BMPER: variants seen among roughly 807,000 people sequenced by gnomAD.
The protein encoded by BMPER is BMP-binding endothelial regulator protein.
In BMPER, 45 loss-of-function variants were observed where a neutral mutation model predicts 87.3. The ratio of observed to expected loss-of-function variants is 0.52; its 90% CI spans 0.41 to 0.66. The LOEUF (loss-of-function observed/expected upper bound fraction) is 0.66. Among genes scored for constraint, BMPER ranks in the 30% least tolerant of loss-of-function variants. The probability of loss-of-function intolerance (pLI) is 0.00; values close to 1 mark genes in which losing one functional copy is unlikely to be tolerated. For synonymous variants in BMPER, 326 were observed against 316.2 expected, an observed-to-expected ratio of 1.03 and a Z score of -0.33; for missense variants, 784 against 867.5, an observed-to-expected ratio of 0.90 and a Z score of 1.21.
chr7:34,002,619 A>G (rs909412333), intron 6 of BMPER, among the ~76,000 whole-genome samples: 3 of 151,832 alleles, frequency 2.0e-5, no homozygotes, highest in Non-Finnish European at 4.4e-5. Flanking sequence ...TTGAAAGTAG[A>G]GTATTGAATT....
Position 34,098,343 on chromosome 7 carries a change from G to A in BMPER, c.1745+12251G>A, listed in dbSNP as rs141230684. 6.0e-3 allele frequency among the ~76,000 whole-genome samples: 919 copies of A among 152,222 alleles called. 5 individuals are homozygous for A. Among genetic ancestry groups the A allele is most frequent in the Non-Finnish European group, 8.5e-3 (579 of 68,016 alleles). ...AGGAGGGAGAGGCCCAGAGCCAGGA[G>A]TACAGGCCCATGCATCCAGAACAGC... On this transcript the variant is annotated intron_variant, in intron 13 of 14. Coordinates refer to ENST00000649409, the MANE Select transcript of BMPER (RefSeq NM_001365308.1).
chr7:33,916,460 A>G (rs1585632159), intron 2 of BMPER, among the ~76,000 whole-genome samples: 1 of 152,186 alleles, frequency 6.6e-6, no homozygotes, highest in African/African-American at 2.4e-5. Flanking sequence ...AAAGAGTGTG[A>G]TGTGGCCAGC....
intron 6 of BMPER, among the ~76,000 whole-genome samples, chr7:33,975,341 T>G (rs1192882556): frequency 6.6e-6 from 1 of 152,152 alleles, no homozygotes; most frequent in Non-Finnish European, 1.5e-5. Flanking sequence ...GTCTGAGGGC[T>G]GATCAGTTAC....
chr7:34,146,621 T>C (rs2127995610), intron 14 of BMPER, among the ~76,000 whole-genome samples: 1 of 152,294 alleles, frequency 6.6e-6, no homozygotes, highest in Non-Finnish European at 1.5e-5. Flanking sequence ...CTTTATATGG[T>C]AACATTATAT....
chr7:34,072,570 C>G (rs1317060073), intron 11 of BMPER, among the ~76,000 whole-genome samples: 1 of 152,112 alleles, frequency 6.6e-6, no homozygotes, highest in Non-Finnish European at 1.5e-5. Context: ...ACCTGCCTTC[C>G]TCTTTTGCTA....
intron 14 of BMPER, among the ~76,000 whole-genome samples, chr7:34,150,829 G>A (rs981763731): frequency 6.6e-6 from 1 of 152,150 alleles, no homozygotes; most frequent in African/African-American, 2.4e-5. Context: ...CCCTCTAGTA[G>A]CCTATATTTG....
intron 13 of BMPER, among the ~76,000 whole-genome samples, chr7:34,139,278 G>T (rs1790802293): frequency 6.6e-6 from 1 of 152,218 alleles, no homozygotes; most frequent in Non-Finnish European, 1.5e-5. Context: ...GCCGAAGTCT[G>T]TATCAAGAGG....
At chr7:34,010,192 G>T (rs1182518781) in intron 6 of BMPER, among the ~76,000 whole-genome samples, 1 of 151,660 alleles carries the variant, frequency 6.6e-6, no homozygotes, top group Non-Finnish European at 1.5e-5. Context: ...ATTCCTTTTT[G>T]AAATTTAGCT....
At chr7:33,958,326 A>G (rs530383930) in intron 3 of BMPER, among the ~76,000 whole-genome samples, 2 of 152,322 alleles carry the variant, frequency 1.3e-5, no homozygotes, top group Non-Finnish European at 1.5e-5. Context: ...ATTCACCCTT[A>G]GATGTTTGAA....
chr7:33,958,918 T>C (rs562554813), intron 3 of BMPER, among the ~76,000 whole-genome samples: 1 of 152,202 alleles, frequency 6.6e-6, no homozygotes, highest in African/African-American at 2.4e-5. Context: ...AATTGAATGG[T>C]GGGGGCAGTT....
At chr7:33,939,641 T>C (rs1471250497) in intron 3 of BMPER, among the ~76,000 whole-genome samples, 1 of 152,192 alleles carries the variant, frequency 6.6e-6, no homozygotes, top group Admixed American at 6.5e-5. Context: ...TCTCGTGCTG[T>C]TCACAAGATC....
chr7:33,919,704 G>C (rs1784168871), intron 2 of BMPER, among the ~76,000 whole-genome samples: 1 of 152,210 alleles, frequency 6.6e-6, no homozygotes, highest in Non-Finnish European at 1.5e-5. Flanking sequence ...CTGAGGCACT[G>C]CAAGACAGGA....
In BMPER at chr7:33,906,917, T is replaced by C; in HGVS notation, c.219+14T>C. 6.3e-7 allele frequency: 1 copy of C among 1,598,518 alleles called. No individual in the cohort carries two copies. The highest frequency in any genetic ancestry group is 2.2e-5 in the East Asian group (1 of 44,772). On this transcript the variant is annotated intron_variant, in intron 2 of 14. Transcript: ENST00000649409. Reference sequence around the variant, plus strand: ...TGTGTCTGCTTGGTAAGTGTGGAGATCAGGTAATATGAACTCAACTGCTCT... The same window carrying C: ...TGTGTCTGCTTGGTAAGTGTGGAGACCAGGTAATATGAACTCAACTGCTCT...
intron 3 of BMPER, among the ~76,000 whole-genome samples, chr7:33,942,764 G>A (rs1208459450): frequency 1.3e-5 from 2 of 152,144 alleles, no homozygotes; most frequent in Non-Finnish European, 2.9e-5. Context: ...GTAGTGGGAG[G>A]CCATGTTTTC....
At chr7:34,029,249 A>G (rs765509102) in intron 6 of BMPER, among the ~76,000 whole-genome samples, 3 of 152,130 alleles carry the variant, frequency 2.0e-5, no homozygotes, top group Non-Finnish European at 4.4e-5. Context: ...ATCAAAAGTG[A>G]GAATGAAAAT....
intron 13 of BMPER, among the ~76,000 whole-genome samples, chr7:34,105,610 T>C (rs1237682751): frequency 6.6e-6 from 1 of 152,212 alleles, no homozygotes; most frequent in Non-Finnish European, 1.5e-5. Context: ...GGTGGATTCC[T>C]TAGTGAGGAT....
chr7:33,991,521 A>G (rs1192729066), intron 6 of BMPER, among the ~76,000 whole-genome samples: 1 of 151,816 alleles, frequency 6.6e-6, no homozygotes, highest in African/African-American at 2.4e-5. Context: ...TTCTTTATTA[A>G]TCTTGCTAGC....
At chr7:33,919,566 T>TG (rs1397190009) in intron 2 of BMPER, among the ~76,000 whole-genome samples, 1 of 152,040 alleles carries the variant, frequency 6.6e-6, no homozygotes, top group African/African-American at 2.4e-5. Context: ...TCAGGTTAGG[T>TG]GGGGAGCACA....
rs560058928 is a variant in BMPER, at chr7:34,078,932, C to G, written c.1154C>G (p.Thr385Arg). The change falls in exon 12 of 15, where the codon ACG (threonine) becomes AGG (arginine). Residue 385 changes from threonine (T) to arginine (R), a missense_variant. By Grantham distance (71) the Thr-to-Arg change is moderately conservative (BLOSUM62 -1). Transcript: ENST00000649409. ...FDGRTFNFQG[T>R]CQYVLTKDCS... is the part of the protein sequence containing the mutation. ...GGTCGGACATTTAACTTTCAGGGGA[C>G]GTGTCAGTACGTTTTGACAAAAGAC... is the stretch of plus-strand genomic sequence containing the variant. The G allele has an allele frequency of 4.3e-6, 7 of 1,614,062 alleles. No individual in the cohort carries two copies. The highest frequency in any genetic ancestry group is 5.9e-6 in the Non-Finnish European group (7 of 1,180,048).
Sources: allele counts gnomAD v4.1 joint callset (sites outside exome capture counted in the v4.1 genomes callset), GRCh38; gene constraint gnomAD v4.1.1; transcripts MANE v1.5; gene names NCBI Gene and HGNC (gene_info 2026-07-23, HGNC 2026-07-21).